CNTN5: variants seen among roughly 807,000 people sequenced by gnomAD.
The protein encoded by CNTN5 is contactin 5.
In CNTN5, 77 loss-of-function variants were observed where a neutral mutation model predicts 129.1. That is an observed-to-expected ratio of 0.60 (90% CI 0.50 to 0.72). The LOEUF is 0.72. CNTN5 is among the 30% of genes least tolerant of loss of function. The pLI, the probability that CNTN5 is intolerant of heterozygous loss-of-function variation, is 0.00. For synonymous variants in CNTN5, 509 were observed against 465.6 expected, an observed-to-expected ratio of 1.09 and a Z score of -1.20; for missense variants, 1,478 against 1,328.8, an observed-to-expected ratio of 1.11 and a Z score of -1.75.
intron 3 of CNTN5, among the ~76,000 whole-genome samples, chr11:99,589,473 T>C (rs569917616): frequency 1.6e-4 from 25 of 152,332 alleles, no homozygotes; most frequent in African/African-American, 5.8e-4. Context: ...AAAGCACATG[T>C]ATATTTAGAA....
chr11:99,307,280 C>T (rs964027036), intron 1 of CNTN5, among the ~76,000 whole-genome samples: 8 of 152,106 alleles, frequency 5.3e-5, no homozygotes, highest in Non-Finnish European at 7.4e-5. Flanking sequence ...TTCAAGTTGT[C>T]TCACAGTATT....
At chr11:99,365,699 G>A (rs1407377186) in intron 2 of CNTN5, among the ~76,000 whole-genome samples, 1 of 152,096 alleles carries the variant, frequency 6.6e-6, no homozygotes, top group Non-Finnish European at 1.5e-5. Context: ...AACACAGATT[G>A]TTTCTCATTC....
intron 3 of CNTN5, among the ~76,000 whole-genome samples, chr11:99,792,538 G>GGGGGGGGTGT (rs1005923299): frequency 7.8e-6 from 1 of 127,748 alleles, no homozygotes; most frequent in African/African-American, 3.2e-5. Context: ...CCTGAAGAGG[G>GGGGGGGGTGT]GTGTGTGTGT....
At chr11:100,287,287 C>G (rs1470716382) in intron 18 of CNTN5, among the ~76,000 whole-genome samples, 1 of 151,828 alleles carries the variant, frequency 6.6e-6, no homozygotes. Context: ...AGAAGAGCAA[C>G]TCCAAGACAC....
chr11:100,019,952 ACTGTCTATTCAATC>A (rs1479706071), intron 9 of CNTN5, among the ~76,000 whole-genome samples: 23 of 151,894 alleles, frequency 1.5e-4, no homozygotes. Flanking sequence ...TTTTTTGAGA[ACTGTCTATTCAATC>A]CTTGGCTCAT....
intron 3 of CNTN5, among the ~76,000 whole-genome samples, chr11:99,711,727 C>T (rs1016336818): frequency 4.6e-5 from 7 of 151,976 alleles, no homozygotes; most frequent in South Asian, 2.1e-4. Context: ...TGAGACCATG[C>T]GGTGTTTGGT....
chr11:100,211,182 A>C (rs1223871975), intron 15 of CNTN5, among the ~76,000 whole-genome samples: 4 of 152,106 alleles, frequency 2.6e-5, no homozygotes, highest in African/African-American at 9.7e-5. Context: ...ATTACTTTTA[A>C]CATTAAGAAC....
At chr11:99,276,810 T>C (rs908209193) in intron 1 of CNTN5, among the ~76,000 whole-genome samples, 1 of 151,602 alleles carries the variant, frequency 6.6e-6, no homozygotes, top group African/African-American at 2.4e-5. Flanking sequence ...TCAAGTTTTA[T>C]GTCATAATTT....
At chr11:99,982,048 G>T (rs901641581) in intron 8 of CNTN5, among the ~76,000 whole-genome samples, 3 of 152,166 alleles carry the variant, frequency 2.0e-5, no homozygotes, top group African/African-American at 7.2e-5. Flanking sequence ...TAATTACTGT[G>T]GTTATAGAAA....
rs973756684 is a variant in CNTN5 at position 100,066,715 on chromosome 11, T to C, written c.1163-3709T>C. On this transcript the variant is annotated intron_variant, in intron 10 of 24. Coordinates refer to ENST00000524871, the MANE Select transcript of CNTN5 (RefSeq NM_014361.4). ...TAAATGTGGCCCAACCTGTGATTTT[T>C]CTTTCCCAGACAGATGAAAGACTTT... Among the ~76,000 whole-genome samples the C allele has an allele frequency of 2.6e-5, 4 of 152,040 alleles. No homozygotes were observed. The East Asian group carries it at 7.8e-4, about 30-fold the overall frequency.
chr11:99,116,786 A>G (rs1215923259), intron 1 of CNTN5, among the ~76,000 whole-genome samples: 1 of 152,180 alleles, frequency 6.6e-6, no homozygotes, highest in Non-Finnish European at 1.5e-5. Flanking sequence ...CGAGTTAGGA[A>G]ACAGATGAAT....
chr11:99,832,801 G>T (rs1330510089), intron 4 of CNTN5, among the ~76,000 whole-genome samples: 1 of 152,060 alleles, frequency 6.6e-6, no homozygotes, highest in Non-Finnish European at 1.5e-5. Flanking sequence ...GGGCATGATA[G>T]GCTGCTATTT....
intron 2 of CNTN5, among the ~76,000 whole-genome samples, chr11:99,415,085 G>A (rs1052301570): frequency 6.6e-6 from 1 of 152,182 alleles, no homozygotes; most frequent in Non-Finnish European, 1.5e-5. Flanking sequence ...TTATAGGCGT[G>A]AAAATGTGTG....
At position 99,325,466 on chromosome 11, in the gene CNTN5, C is replaced by T. The variant is rs1404532324; in HGVS notation, c.-89C>T. 3 of 151,998 alleles carry T rather than the reference C, an allele frequency of 2.0e-5. No individual in the cohort carries two copies. The highest frequency in any genetic ancestry group is 7.2e-5 in the African/African-American group (3 of 41,380). The allele number at this position is 151,998 out of a possible 1,614,324, so 9.4% of individuals were successfully genotyped here. The stretch of plus-strand genomic sequence containing the variant: ...TCCTTTGTCAAGAGCATACTTTGGA[C>T]CCTGTTTTCAGAAAGCAGGTATGGT... On this transcript the variant is annotated 5_prime_UTR_variant, in exon 2 of 25. Transcript: ENST00000524871.
chr11:100,127,438 T>C (rs1164710595), intron 13 of CNTN5, among the ~76,000 whole-genome samples: 3 of 151,986 alleles, frequency 2.0e-5, no homozygotes, highest in Admixed American at 1.3e-4. Context: ...TAAAAAATAA[T>C]GTTGTCCCCT....
At chr11:99,543,490 C>T (rs544867326) in intron 2 of CNTN5, among the ~76,000 whole-genome samples, 1 of 152,176 alleles carries the variant, frequency 6.6e-6, no homozygotes, top group Non-Finnish European at 1.5e-5. Context: ...CTCTGCTAGA[C>T]TTACTTTCTT....
At chr11:99,584,777 T>C (rs1949737186) in intron 3 of CNTN5, among the ~76,000 whole-genome samples, 1 of 152,232 alleles carries the variant, frequency 6.6e-6, no homozygotes, top group African/African-American at 2.4e-5. Context: ...TTGTTTGAAC[T>C]GTGAAACAAA....
At chr11:99,382,796 C>G (rs146731771) in intron 2 of CNTN5, among the ~76,000 whole-genome samples, 14 of 139,682 alleles carry the variant, frequency 1.0e-4, no homozygotes, top group Admixed American at 5.3e-4. Flanking sequence ...CATTCGCACA[C>G]AAGTCAGAGG....
At chr11:99,066,985 C>A (rs1308327212) in intron 1 of CNTN5, among the ~76,000 whole-genome samples, 6 of 152,112 alleles carry the variant, frequency 3.9e-5, no homozygotes, top group Non-Finnish European at 7.4e-5. Flanking sequence ...CTCTCTTCTG[C>A]ACAAAGATCA....
Sources: allele counts gnomAD v4.1 joint callset (sites outside exome capture counted in the v4.1 genomes callset), GRCh38; gene constraint gnomAD v4.1.1; transcripts MANE v1.5; gene names NCBI Gene and HGNC (gene_info 2026-07-23, HGNC 2026-07-21).